CEACAM5: variants seen among roughly 807,000 people sequenced by gnomAD.
CEACAM5 encodes the protein cell adhesion molecule CEACAM5.
Under a neutral mutation model 63.0 loss-of-function variants are expected in CEACAM5, and 52 were observed. The ratio of observed to expected loss-of-function variants is 0.83; its 90% CI spans 0.66 to 1.04. The LOEUF (loss-of-function observed/expected upper bound fraction) is 1.04, where lower values mean the gene tolerates loss of function less well. Among genes scored for constraint, CEACAM5 ranks in the 50% least tolerant of loss-of-function variants. The pLI is 0.00. For synonymous variants in CEACAM5, 357 were observed against 351.3 expected, an observed-to-expected ratio of 1.02 and a Z score of -0.18; for missense variants, 790 against 864.8, an observed-to-expected ratio of 0.91 and a Z score of 1.08.
intron 6 of CEACAM5, among the ~76,000 whole-genome samples, chr19:41,718,813 G>A (rs967556085): frequency 6.6e-6 from 1 of 152,250 alleles, no homozygotes; most frequent in East Asian, 1.9e-4. Flanking sequence ...ATGAGAGGAG[G>A]ATGCCCCTTG....
rs550127998 is a variant in CEACAM5 at position 41,715,522 on chromosome 19, C to T, written c.704-128C>T. The T allele has an allele frequency of 2.6e-4, 340 of 1,298,002 alleles. 4 individuals carry two copies. In the South Asian group the frequency reaches 3.5e-3, roughly 13 times the overall value. 80.4% of individuals were successfully genotyped at this position (1,298,002 alleles called of 1,614,324 possible). The stretch of plus-strand genomic sequence containing the variant: ...ATCTCAGACTCAGGCTCAGTAGATA[C>T]AAGAGGGGTTTGGCTGAGACTTTAG... On this transcript the variant is annotated intron_variant, in intron 3 of 9. Coordinates refer to ENST00000221992, the MANE Select transcript of CEACAM5 (RefSeq NM_004363.6).
chr19:41,715,377 G>A (rs1555814797), intron 3 of CEACAM5, 128 bp downstream of exon 3: 2 of 1,424,798 alleles, frequency 1.4e-6, no homozygotes, highest in South Asian at 2.3e-5. Flanking sequence ...GACTGTCTGT[G>A]ACTTTCTGCC....
chr19:41,728,722 G>C (rs904123095), intron 9 of CEACAM5, among the ~76,000 whole-genome samples: 8 of 148,328 alleles, frequency 5.4e-5, no homozygotes, highest in African/African-American at 2.0e-4. Flanking sequence ...GGGAGGTGGA[G>C]ATTGCAGTGA....
At chr19:41,714,296 A>G (rs1048020382) in intron 2 of CEACAM5, among the ~76,000 whole-genome samples, 7 of 152,196 alleles carry the variant, frequency 4.6e-5, no homozygotes, top group African/African-American at 1.7e-4. Flanking sequence ...CTGAAGTTCT[A>G]GATCATTCCC....
chr19:41,720,940 T>G lies in CEACAM5; in HGVS notation c.1790T>G (p.Ile597Ser). 1.2e-6 allele frequency: 2 copies of G among 1,613,808 alleles called. No individual in the cohort carries two copies. The highest frequency in any genetic ancestry group is 4.5e-5 in the East Asian group (2 of 44,848). ...LDVLYGPDTPIISPPDSSYLS... is the reference protein window; with the variant it reads ...LDVLYGPDTPSISPPDSSYLS... ...GTTCCAGATGGGCCGGACACCCCCA[T>G]CATTTCCCCCCCAGACTCGTCTTAC... The change falls in exon 8 of 10, where the codon ATC (isoleucine) becomes AGC (serine). Residue 597 changes from isoleucine (I) to serine (S), a missense_variant. By Grantham distance (142) the Ile-to-Ser change is moderately radical. Transcript: ENST00000221992.
intron 2 of CEACAM5, among the ~76,000 whole-genome samples, chr19:41,710,288 A>C (rs1252621303): frequency 6.6e-6 from 1 of 152,094 alleles, no homozygotes; most frequent in African/African-American, 2.4e-5. Flanking sequence ...TAGCAGGGGG[A>C]GGTCAGTCTC....
chr19:41,708,637 G>A lies in CEACAM5; in HGVS notation c.-95G>A. ...AAGAGACTCAGGGCAGAGGGAGGAA[G>A]GACAGCAGACCAGACAGTCACAGCA... On this transcript the variant is annotated 5_prime_UTR_variant, in exon 1 of 10. Coordinates refer to ENST00000221992, the MANE Select transcript of CEACAM5 (RefSeq NM_004363.6). 9.2e-7 allele frequency: 1 copy of A among 1,091,168 alleles called. No homozygotes were observed. Among genetic ancestry groups the A allele is most frequent in the Non-Finnish European group, 1.4e-6 (1 of 725,092 alleles). The allele number at this position is 1,091,168 out of a possible 1,614,324, so 67.6% of individuals were successfully genotyped here.
chr19:41,730,375 T>TCATGCCGCTG lies in CEACAM5; in HGVS notation c.*1231_*1240dup, dbSNP rs1251058168. The stretch of plus-strand genomic sequence containing the variant: ...AGGCAGGGCTTGCAGTGAGCCAAGA[T>TCATGCCGCTG]CATGCCGCTGCACTCCAGCCTGGGA... On this transcript the variant is annotated 3_prime_UTR_variant, in exon 10 of 10. Transcript: ENST00000221992. 6.1e-5 allele frequency among the ~76,000 whole-genome samples: 9 copies of TCATGCCGCTG among 148,740 alleles called. No homozygotes were observed. The East Asian group carries it at 1.8e-3, about 29-fold the overall frequency.
intron 4 of CEACAM5, 48 bp downstream of exon 4, chr19:41,715,952 G>T (rs782657655): frequency 6.3e-7 from 1 of 1,588,214 alleles, no homozygotes; most frequent in Admixed American, 1.7e-5. Flanking sequence ...GGTGGAGTCT[G>T]TCTGGTTTTC....
In CEACAM5 at chr19:41,721,100, C is replaced by A; in HGVS notation, c.1950C>A (p.Asn650Lys). The change falls in exon 8 of 10, where the codon AAC becomes AAA. Residue 650 changes from asparagine (N) to lysine (K), a missense_variant. By Grantham distance (94) the Asn-to-Lys change is moderately conservative. Transcript: ENST00000221992. The stretch of plus-strand genomic sequence containing the variant: ...TCGCCAAAATCACGCCAAATAATAA[C>A]GGGACCTATGCCTGTTTTGTCTCTA... ...LFIAKITPNN[N>K]GTYACFVSNL... is the part of the protein sequence containing the mutation. The A allele has an allele frequency of 2.5e-6, 4 of 1,614,178 alleles. No homozygotes were observed. Among genetic ancestry groups the A allele is most frequent in the African/African-American group, 1.3e-5 (1 of 75,034 alleles).
chr19:41,709,604 T>TCAGGACC, intron 1 of CEACAM5, 76 bp from the exon 2 acceptor site: 1 of 1,550,436 alleles, frequency 6.4e-7, no homozygotes, highest in Non-Finnish European at 8.7e-7. Context: ...AGAGACCTGC[T>TCAGGACC]CAGGACCCAG....
At chr19:41,721,746 T>A (rs1023723043) in intron 8 of CEACAM5, among the ~76,000 whole-genome samples, 4 of 152,218 alleles carry the variant, frequency 2.6e-5, no homozygotes, top group Non-Finnish European at 5.9e-5. Context: ...TGGCCTGTTT[T>A]GAATCTGGGT....
At chr19:41,719,290 A>G (rs1055454040) in intron 6 of CEACAM5, among the ~76,000 whole-genome samples, 1 of 152,206 alleles carries the variant, frequency 6.6e-6, no homozygotes, top group African/African-American at 2.4e-5. Flanking sequence ...TATGCAGTTT[A>G]GTAGCATTAA....
chr19:41,708,636 A>T lies in CEACAM5; in HGVS notation c.-96A>T. The T allele has an allele frequency of 1.9e-6, 2 of 1,070,200 alleles. No individual in the cohort carries two copies. The allele number at this position is 1,070,200 out of a possible 1,614,324, so 66.3% of individuals were successfully genotyped here. On this transcript the variant is annotated 5_prime_UTR_variant, in exon 1 of 10. In the 5' UTR this introduces an upstream ATG that the reference lacks. Coordinates refer to ENST00000221992, the MANE Select transcript of CEACAM5 (RefSeq NM_004363.6). ...GAAGAGACTCAGGGCAGAGGGAGGA[A>T]GGACAGCAGACCAGACAGTCACAGC...
intron 8 of CEACAM5, among the ~76,000 whole-genome samples, chr19:41,724,655 A>T (rs2072672668): frequency 6.6e-6 from 1 of 152,086 alleles, no homozygotes; most frequent in Non-Finnish European, 1.5e-5. Context: ...GCAGTGTTTT[A>T]TAGTTTTCAG....
intron 8 of CEACAM5, among the ~76,000 whole-genome samples, chr19:41,725,789 C>T (rs1470028832): frequency 6.6e-6 from 1 of 151,970 alleles, no homozygotes; most frequent in Non-Finnish European, 1.5e-5. Context: ...TCATTGATTC[C>T]TTCTATTGTT....
chr19:41,720,192 C>A lies in CEACAM5; in HGVS notation c.1755C>A (p.Val585=). The change falls in exon 7 of 10, where the codon GTC becomes GTA. Residue 585 remains valine (V), a synonymous_variant. Coordinates refer to ENST00000221992, the MANE Select transcript of CEACAM5 (RefSeq NM_004363.6). ...TGAGTGCAAACCGCAGTGACCCAGT[C>A]ACCCTGGATGTCCTCTGTGAGTATC... ...NSVSANRSDP[V]TLDVLYGPDT... 1 of 1,614,142 alleles carries A rather than the reference C, an allele frequency of 6.2e-7. No homozygotes were observed. The highest frequency in any genetic ancestry group is 1.1e-5 in the South Asian group (1 of 91,080).
rs1053744424 is a variant in CEACAM5 at position 41,730,279 on chromosome 19, G to T, written c.*1132G>T. On this transcript the variant is annotated 3_prime_UTR_variant, in exon 10 of 10. Coordinates refer to ENST00000221992, the MANE Select transcript of CEACAM5 (RefSeq NM_004363.6). ...ACTAAAAATACAAAAAAAGTTAGCC[G>T]GGCGTGGTGGTGGGGGCCTGTAGTC... 6.6e-6 allele frequency among the ~76,000 whole-genome samples: 1 copy of T among 152,138 alleles called. No homozygotes were observed. The highest frequency in any genetic ancestry group is 2.4e-5 in the African/African-American group (1 of 41,504).
Position 41,717,452 on chromosome 19 carries a change from C to T in CEACAM5, c.959-3C>T. ...GGCAATCTTCTCTCTGTTATCTGCA[C>T]AGCAGAGCCACCCAAACCCTTCATC... On this transcript the variant is annotated splice_polypyrimidine_tract_variant and splice_region_variant and intron_variant, in intron 4 of 9. Coordinates refer to ENST00000221992, the MANE Select transcript of CEACAM5 (RefSeq NM_004363.6). 1 of 1,612,030 alleles carries T rather than the reference C, an allele frequency of 6.2e-7. No homozygotes were observed. Among genetic ancestry groups the T allele is most frequent in the African/African-American group, 1.3e-5 (1 of 75,030 alleles).
Sources: allele counts gnomAD v4.1 joint callset (sites outside exome capture counted in the v4.1 genomes callset), GRCh38; gene constraint gnomAD v4.1.1; transcripts MANE v1.5; gene names NCBI Gene and HGNC (gene_info 2026-07-23, HGNC 2026-07-21).